Variants in DGKI observed in about 807,000 individuals in gnomAD.
DGKI encodes DAG kinase iota.
In DGKI, 55 loss-of-function variants were observed where a neutral mutation model predicts 147.5. The ratio of observed to expected loss-of-function variants is 0.37; its 90% confidence interval spans 0.30 to 0.47. The LOEUF (loss-of-function observed/expected upper bound fraction) is 0.47. Among genes scored for constraint, DGKI ranks in the 20% least tolerant of loss-of-function variants. The pLI, the probability that DGKI is intolerant of heterozygous loss-of-function variation, is 1.00. For synonymous variants in DGKI, 469 were observed against 477.1 expected, an observed-to-expected ratio of 0.98 and a Z score of 0.22; for missense variants, 1,007 against 1,323.8, an observed-to-expected ratio of 0.76 and a Z score of 3.71.
chr7:137,579,490 T>C (rs1049788354), intron 15 of DGKI, among the ~76,000 whole-genome samples: 7 of 149,418 alleles, frequency 4.7e-5, no homozygotes, highest in South Asian at 2.1e-4. Flanking sequence ...ATATATTTCA[T>C]AGACAAATAA....
intron 1 of DGKI, among the ~76,000 whole-genome samples, chr7:137,798,459 T>G (rs531964037): frequency 7.4e-4 from 112 of 152,330 alleles, no homozygotes; most frequent in Middle Eastern, 3.4e-3. Flanking sequence ...TCTCAGTCCA[T>G]CACCCAGGCT....
chr7:137,572,989 T>C, intron 17 of DGKI, 151 bp from the exon 18 acceptor site: 1 of 565,632 alleles, frequency 1.8e-6, no homozygotes, highest in Non-Finnish European at 3.0e-6. Flanking sequence ...TGATTAAAAA[T>C]ATATTCTGGT....
At chr7:137,404,925 T>A (rs1001807658) in intron 30 of DGKI, among the ~76,000 whole-genome samples, 24 of 152,172 alleles carry the variant, frequency 1.6e-4, no homozygotes. Flanking sequence ...ATGTGCCAGA[T>A]GAATTGATGC....
intron 32 of DGKI, among the ~76,000 whole-genome samples, chr7:137,391,989 C>T (rs1019387578): frequency 6.6e-6 from 1 of 152,242 alleles, no homozygotes; most frequent in Middle Eastern, 3.4e-3. Context: ...AATCATTCCA[C>T]CAAACTAAGA....
chr7:137,688,281 T>C (rs1385967555), intron 2 of DGKI, among the ~76,000 whole-genome samples: 1 of 152,212 alleles, frequency 6.6e-6, no homozygotes, highest in Non-Finnish European at 1.5e-5. Context: ...TAGATTCTAG[T>C]ACAAAGCAGG....
At chr7:137,827,413 A>G (rs1017980057) in intron 1 of DGKI, among the ~76,000 whole-genome samples, 11 of 152,162 alleles carry the variant, frequency 7.2e-5, no homozygotes, top group Non-Finnish European at 1.5e-4. Flanking sequence ...CTTCATCACC[A>G]TTCACACTGC....
chr7:137,431,802 C>T (rs755867705), intron 28 of DGKI, among the ~76,000 whole-genome samples: 1 of 152,192 alleles, frequency 6.6e-6, no homozygotes, highest in Non-Finnish European at 1.5e-5. Context: ...AGGCCTGATG[C>T]AAGTGACTCC....
intron 20 of DGKI, among the ~76,000 whole-genome samples, chr7:137,534,329 T>C (rs10233537): frequency 0.06 from 9,128 of 152,088 alleles, 673 homozygotes; most frequent in African/African-American, 0.18. Flanking sequence ...TCCAAAAATA[T>C]TTAGGTTTTT....
intron 30 of DGKI, among the ~76,000 whole-genome samples, chr7:137,401,624 A>G (rs1023851814): frequency 3.2e-4 from 49 of 152,192 alleles, no homozygotes; most frequent in African/African-American, 1.2e-3. Context: ...CTGATTGCAG[A>G]CACTATGCCA....
At chr7:137,821,146 T>C (rs182856771) in intron 1 of DGKI, among the ~76,000 whole-genome samples, 4 of 152,320 alleles carry the variant, frequency 2.6e-5, no homozygotes, top group Non-Finnish European at 5.9e-5. Context: ...GTCTCAGGGC[T>C]TCCCAGAAAA....
rs139609141 is a variant in DGKI at position 137,401,251 on chromosome 7, G to A, written c.2921-3838C>T. 1.9e-3 allele frequency among the ~76,000 whole-genome samples: 295 copies of A among 152,170 alleles called. 3 individuals carry two copies. The highest frequency in any genetic ancestry group is 4.5e-3 in the Admixed American group (69 of 15,280). On this transcript the variant is annotated intron_variant, in intron 30 of 32. Coordinates refer to ENST00000614521, the MANE Select transcript of DGKI (RefSeq NM_001321708.2). ...ACAAGAGAGAAAAAAATAAAGACTAGTCAGGCACGGTGGTTCACGTCTGTA... is the reference window on the plus strand; with the variant it reads ...ACAAGAGAGAAAAAAATAAAGACTAATCAGGCACGGTGGTTCACGTCTGTA...
chr7:137,631,619 T>C (rs1821124378), intron 6 of DGKI, among the ~76,000 whole-genome samples: 1 of 151,960 alleles, frequency 6.6e-6, no homozygotes, highest in East Asian at 1.9e-4. Flanking sequence ...GAACTTAGAG[T>C]TGGATAAAGG....
chr7:137,516,073 A>G (rs1816735066), intron 21 of DGKI, among the ~76,000 whole-genome samples: 1 of 152,050 alleles, frequency 6.6e-6, no homozygotes. Flanking sequence ...CCTAATCTCT[A>G]CTGAACAGCC....
intron 28 of DGKI, among the ~76,000 whole-genome samples, chr7:137,422,595 CTTTTTTTT>C (rs60494368): frequency 1.6e-5 from 1 of 61,966 alleles, no homozygotes; most frequent in African/African-American, 6.5e-5. Context: ...TTTTTCTTTT[CTTTTTTTT>C]TTTTTTTTTT....
intron 31 of DGKI, 27 bp from the exon 32 acceptor site, chr7:137,395,724 A>T (rs1283442528): frequency 1.2e-6 from 2 of 1,607,854 alleles, no homozygotes; most frequent in East Asian, 2.2e-5. Context: ...ATGGGAAACC[A>T]CCCATAAAGG....
At position 137,469,597 on chromosome 7, in the gene DGKI, C is replaced by T. The variant is rs766101983; in HGVS notation, c.2396G>A (p.Arg799Lys). 3.9e-5 allele frequency: 63 copies of T among 1,613,890 alleles called. No homozygotes were observed. The highest frequency in any genetic ancestry group is 5.3e-5 in the Non-Finnish European group (63 of 1,179,958). The change falls in exon 24 of 33, where the codon AGG becomes AAG. Residue 799 changes from arginine to lysine, a missense_variant. Physicochemically the swap from Arg to Lys is conservative, Grantham distance 26. Around this residue, in one of 5 missense-constraint regions of DGKI, gnomAD observed 385 missense variants for 445.2 expected, o/e 0.86. Transcript: ENST00000614521. Reference protein sequence around the residue: ...HYQDHETSFPRALSAQRLSPR... With the variant: ...HYQDHETSFPKALSAQRLSPR... Reference sequence around the variant, plus strand: ...AGAGAGCCTCTGTGCTGAGAGAGCCCTGGGGAAGGAGGTTTCATGGTCCTG... The same window carrying T: ...AGAGAGCCTCTGTGCTGAGAGAGCCTTGGGGAAGGAGGTTTCATGGTCCTG...
chr7:137,704,012 A>G (rs954170695), intron 1 of DGKI, among the ~76,000 whole-genome samples: 1 of 152,144 alleles, frequency 6.6e-6, no homozygotes, highest in African/African-American at 2.4e-5. Flanking sequence ...GGAGTTTGTG[A>G]CCAGCCTGGC....
At chr7:137,577,374 A>G (rs1468228404) in intron 16 of DGKI, 90 bp from the exon 17 acceptor site, 3 of 891,622 alleles carry the variant, frequency 3.4e-6, no homozygotes, top group Non-Finnish European at 5.3e-6. Flanking sequence ...CAAGGATTCC[A>G]AAGTATGCAA....
At chr7:137,542,850 T>C (rs549624023) in intron 20 of DGKI, among the ~76,000 whole-genome samples, 3 of 152,336 alleles carry the variant, frequency 2.0e-5, no homozygotes, top group African/African-American at 7.2e-5. Context: ...TGGATGCTTG[T>C]CACATGGCTT....
Sources: allele counts gnomAD v4.1 joint callset (sites outside exome capture counted in the v4.1 genomes callset), GRCh38; gene constraint gnomAD v4.1.1; regional missense constraint gnomAD v4.1.1; transcripts MANE v1.5; gene names NCBI Gene and HGNC (gene_info 2026-07-23, HGNC 2026-07-21).